Variants in SRFBP1 observed in about 807,000 individuals in gnomAD.
SRFBP1 encodes the protein serum response factor-binding protein 1.
In SRFBP1, 47 loss-of-function variants were observed where a neutral mutation model predicts 45.5. The observed-to-expected ratio is 1.03, with a 90% CI of 0.82 to 1.32. The LOEUF (loss-of-function observed/expected upper bound fraction) is 1.32. Ranked by LOEUF, SRFBP1 falls within the 40% of genes most tolerant of loss-of-function variation. The probability of loss-of-function intolerance (pLI) is 0.00; values close to 1 mark genes in which losing one functional copy is unlikely to be tolerated. For missense variants in SRFBP1, 621 were observed against 484.6 expected, an observed-to-expected ratio of 1.28 and a Z score of -2.64; for synonymous variants, 203 against 166.3, an observed-to-expected ratio of 1.22 and a Z score of -1.70.
chr5:122,050,343 G>A (rs1235030858), intron 2 of SRFBP1, among the ~76,000 whole-genome samples: 1 of 152,112 alleles, frequency 6.6e-6, no homozygotes, highest in East Asian at 1.9e-4. Flanking sequence ...TATACATCTG[G>A]TAGAATCTGG....
chr5:121,970,811 T>C (rs1752174498), intron 1 of SRFBP1, among the ~76,000 whole-genome samples: 1 of 152,136 alleles, frequency 6.6e-6, no homozygotes. Context: ...AGATGCAGTG[T>C]TGAATAAAAC....
intron 1 of SRFBP1, 79 bp downstream of exon 1, chr5:121,962,147 G>A: frequency 1.3e-6 from 2 of 1,570,054 alleles, no homozygotes; most frequent in Non-Finnish European, 1.7e-6. Flanking sequence ...TCGGAGGCGG[G>A]CATAGAGGGT....
rs1393384210 is a variant in SRFBP1, at chr5:122,066,617, C to G, written n.312-8698C>G. The G allele has an allele frequency of 5.2e-6, 4 of 774,462 alleles. No individual in the cohort carries two copies. In the African/African-American group the frequency reaches 6.9e-5, roughly 13 times the overall value. The allele number at this position is 774,462 out of a possible 1,614,324, so 48.0% of individuals were successfully genotyped here. A position where few individuals can be genotyped will look rare whatever the true frequency, so the allele number is the denominator to read the frequency against. On this transcript the variant is annotated intron_variant and non_coding_transcript_variant, in intron 2 of 2. Coordinates refer to the SRFBP1 transcript ENST00000504881. ...GCTTTGTTATTGAAAACAGTCCAAA[C>G]AAAAATTCTTTTGTTGTTTTCTGTT...
intron 2 of SRFBP1, among the ~76,000 whole-genome samples, chr5:122,041,155 A>G (rs1473241996): frequency 1.3e-5 from 2 of 152,170 alleles, no homozygotes; most frequent in Non-Finnish European, 2.9e-5. Context: ...GAATAATCTA[A>G]ATGAGAGATA....
chr5:122,072,501 CAA>C (rs370772807), intron 2 of SRFBP1, among the ~76,000 whole-genome samples: 26 of 152,136 alleles, frequency 1.7e-4, no homozygotes, highest in African/African-American at 5.3e-4. Context: ...TCTCAGAACA[CAA>C]GAGTTATTAA....
chr5:121,975,432 C>A (rs756928027), intron 3 of SRFBP1, 45 bp downstream of exon 3: 23 of 1,598,212 alleles, frequency 1.4e-5, no homozygotes, highest in Middle Eastern at 3.3e-4. Context: ...TTCTGAGTAT[C>A]CTGTTATCCT....
At chr5:122,025,864 G>C (rs1050167979) in intron 7 of SRFBP1, among the ~76,000 whole-genome samples, 1 of 152,178 alleles carries the variant, frequency 6.6e-6, no homozygotes, top group Non-Finnish European at 1.5e-5. Flanking sequence ...ACTTTGGGAG[G>C]CTGAGGTGGG....
Position 122,028,325 on chromosome 5 carries a change from G to A in SRFBP1, c.*1199G>A, listed in dbSNP as rs555944239. On this transcript the variant is annotated 3_prime_UTR_variant, in exon 8 of 8. Coordinates refer to ENST00000339397, the MANE Select transcript of SRFBP1 (RefSeq NM_152546.3). ...GGAGCTTAAGAATTTAGATAACTCA[G>A]CCGGGCGTGGTGACTCATGCCTATA... 1 of 152,232 alleles carries A rather than the reference G, an allele frequency of 6.6e-6. No homozygotes were observed. The allele number at this position is 152,232 out of a possible 1,614,324, so 9.4% of individuals were successfully genotyped here. A position where few individuals can be genotyped will look rare whatever the true frequency, so the allele number is the denominator to read the frequency against.
chr5:122,030,680 A>G (rs1018839587), downstream of SRFBP1, among the ~76,000 whole-genome samples: 1 of 152,112 alleles, frequency 6.6e-6, no homozygotes, highest in Admixed American at 6.6e-5. Flanking sequence ...AAAACTAAGT[A>G]AGTTAAAATA....
At chr5:122,047,040 C>G (rs1294374351) in intron 2 of SRFBP1, among the ~76,000 whole-genome samples, 2 of 152,148 alleles carry the variant, frequency 1.3e-5, no homozygotes, top group African/African-American at 2.4e-5. Flanking sequence ...TGCAGAAGCT[C>G]TTTAGTTTAA....
intron 4 of SRFBP1, among the ~76,000 whole-genome samples, chr5:121,995,987 C>A (rs1234145027): frequency 6.6e-6 from 1 of 152,138 alleles, no homozygotes. Flanking sequence ...TCTTAGTAGA[C>A]CAATAACAGG....
chr5:122,058,529 A>AGT (rs147926229), intron 2 of SRFBP1, among the ~76,000 whole-genome samples: 15,023 of 142,194 alleles, frequency 0.11, 831 homozygotes, highest in East Asian at 0.21. Flanking sequence ...ACAATGAGAT[A>AGT]GTGTGTGTGT....
chr5:121,993,899 C>T (rs561985849), intron 3 of SRFBP1, among the ~76,000 whole-genome samples: 1 of 151,590 alleles, frequency 6.6e-6, no homozygotes, highest in African/African-American at 2.4e-5. Flanking sequence ...GATTTTCTTT[C>T]ATTTCTACTT....
intron 4 of SRFBP1, among the ~76,000 whole-genome samples, chr5:122,007,766 C>G (rs1361600770): frequency 6.6e-6 from 1 of 151,898 alleles, no homozygotes; most frequent in Non-Finnish European, 1.5e-5. Flanking sequence ...GGGGACTCAG[C>G]CTGGCACTGG....
In SRFBP1 at chr5:121,994,651, T is replaced by A; in HGVS notation, c.251T>A (p.Phe84Tyr). The A allele has an allele frequency of 6.3e-7, 1 of 1,596,588 alleles. No individual in the cohort carries two copies. Among genetic ancestry groups the A allele is most frequent in the Non-Finnish European group, 8.5e-7 (1 of 1,172,140 alleles). The change falls in exon 4 of 8, where the codon TTT becomes TAT. Residue 84 changes from phenylalanine (F) to tyrosine (Y), a missense_variant. Phe to Tyr is a conservative substitution (Grantham distance 22, BLOSUM62 3). Transcript: ENST00000339397. ...TCTGCTCTTGGTGATGATATCAACT[T>A]TGAAAAAATCTTCAAAAAGGTATAT... ...TKSALGDDIN[F>Y]EKIFKKPDST...
chr5:122,022,486 T>C, intron 7 of SRFBP1, 79 bp downstream of exon 7: 1 of 1,239,164 alleles, frequency 8.1e-7, no homozygotes, highest in Non-Finnish European at 1.1e-6. Context: ...AAATTGTTGT[T>C]GCTTAATATA....
intron 7 of SRFBP1, among the ~76,000 whole-genome samples, chr5:122,023,320 A>G (rs1273053435): frequency 6.6e-6 from 1 of 152,170 alleles, no homozygotes; most frequent in Non-Finnish European, 1.5e-5. Context: ...CAGCCAACCC[A>G]AAGTCACATC....
At position 122,027,075 on chromosome 5, in the gene SRFBP1, G is replaced by GT. The variant is rs1447146055; in HGVS notation, c.1239_1240insT (p.Gln414SerfsTer3). On this transcript the variant is annotated frameshift_variant, in exon 8 of 8. Coordinates refer to ENST00000339397, the MANE Select transcript of SRFBP1 (RefSeq NM_152546.3). LOFTEE classifies it high-confidence loss of function. ...AAGCAAGCAGAAGGCGAAAAGAACA[G>GT]CAATCTAATATTGCTGTGTTTCAGG... The GT allele has an allele frequency of 1.2e-5, 20 of 1,612,198 alleles. No homozygotes were observed. Among genetic ancestry groups the GT allele is most frequent in the Non-Finnish European group, 1.7e-5 (20 of 1,179,470 alleles).
chr5:122,037,520 C>T (rs1415177566), intron 2 of SRFBP1, among the ~76,000 whole-genome samples: 2 of 151,746 alleles, frequency 1.3e-5, no homozygotes, highest in African/African-American at 4.8e-5. Context: ...TTATTTTTTT[C>T]ATTTTTTAGA....
Sources: allele counts gnomAD v4.1 joint callset (sites outside exome capture counted in the v4.1 genomes callset), GRCh38; gene constraint gnomAD v4.1.1; transcripts MANE v1.5; gene names NCBI Gene and HGNC (gene_info 2026-07-23, HGNC 2026-07-21).